CSTPP1: variants seen among roughly 807,000 people sequenced by gnomAD.
CSTPP1 encodes centriolar satellite-associated tubulin polyglutamylase complex regulator 1.
At chr11:47,052,371 G>C in the CSTPP1 span, 1 of 1,607,750 alleles carries the variant, frequency 6.2e-7, no homozygotes, top group Non-Finnish European at 8.5e-7. Context: ...ATGACTTCTT[G>C]ACTTTTCTCT....
At chr11:46,938,540 T>A in the CSTPP1 span, among the ~76,000 whole-genome samples, 1 of 151,204 alleles carries the variant, frequency 6.6e-6, no homozygotes, top group East Asian at 1.9e-4. Flanking sequence ...TCCTTCTCCC[T>A]CCCCCTGCAG....
chr11:47,099,630 C>G, the CSTPP1 span, among the ~76,000 whole-genome samples: 2 of 152,190 alleles, frequency 1.3e-5, no homozygotes, highest in African/African-American at 4.8e-5. Flanking sequence ...GGAAGTTGAA[C>G]TGGGTATAAT....
the CSTPP1 span, among the ~76,000 whole-genome samples, chr11:47,119,889 G>A: frequency 9.2e-5 from 14 of 152,224 alleles, no homozygotes; most frequent in Non-Finnish European, 2.1e-4. Flanking sequence ...GGGATTACAG[G>A]CGTGAGCCAC....
chr11:47,016,218 C>T, the CSTPP1 span, among the ~76,000 whole-genome samples: 1 of 151,970 alleles, frequency 6.6e-6, no homozygotes, highest in Non-Finnish European at 1.5e-5. Flanking sequence ...TGGTGAAAGA[C>T]AGAAGACTTT....
chr11:47,013,938 G>A, the CSTPP1 span, among the ~76,000 whole-genome samples: 3 of 152,138 alleles, frequency 2.0e-5, no homozygotes, highest in Non-Finnish European at 2.9e-5. Flanking sequence ...AGGTGCAGTA[G>A]CTCACACCCA....
At chr11:47,153,688 G>C in the CSTPP1 span, among the ~76,000 whole-genome samples, 3 of 152,318 alleles carry the variant, frequency 2.0e-5, no homozygotes, top group African/African-American at 7.2e-5. Flanking sequence ...CCACGCAGTA[G>C]GGCACTCAGG....
chr11:46,956,077 G>C, the CSTPP1 span, among the ~76,000 whole-genome samples: 1 of 151,960 alleles, frequency 6.6e-6, no homozygotes, highest in Non-Finnish European at 1.5e-5. Context: ...CCTAGCTTCA[G>C]GATTTTTGCA....
At chr11:47,079,637 A>G in the CSTPP1 span, among the ~76,000 whole-genome samples, 1 of 152,232 alleles carries the variant, frequency 6.6e-6, no homozygotes, top group Non-Finnish European at 1.5e-5. Flanking sequence ...AATTATTTCT[A>G]GTATTTTTAT....
At chr11:46,987,375 A>G in the CSTPP1 span, 67 of 1,326,476 alleles carry the variant, frequency 5.1e-5, no homozygotes, top group Non-Finnish European at 7.1e-5. Flanking sequence ...CAGGCAGGAT[A>G]CTTGAGGAAC....
the CSTPP1 span, among the ~76,000 whole-genome samples, chr11:46,997,393 T>C: frequency 5.3e-5 from 8 of 152,318 alleles, no homozygotes; most frequent in African/African-American, 1.9e-4. Flanking sequence ...TGTGCCATGG[T>C]TTTCAGCTCC....
At chr11:47,013,554 C>T in the CSTPP1 span, among the ~76,000 whole-genome samples, 1 of 152,288 alleles carries the variant, frequency 6.6e-6, no homozygotes, top group East Asian at 1.9e-4. Flanking sequence ...CCAGCTCCAT[C>T]CATGTCCCTG....
the CSTPP1 span, among the ~76,000 whole-genome samples, chr11:47,114,205 A>G: frequency 4.6e-5 from 7 of 152,268 alleles, no homozygotes; most frequent in South Asian, 1.5e-3. Flanking sequence ...CCATTGGTCA[A>G]TATATCTGTT....
chr11:47,158,315 G>C, the CSTPP1 span, among the ~76,000 whole-genome samples: 1 of 151,292 alleles, frequency 6.6e-6, no homozygotes, highest in South Asian at 2.1e-4. Context: ...AGGCACAGGT[G>C]TGTCTGCGGA....
At chr11:47,100,929 G>C in the CSTPP1 span, among the ~76,000 whole-genome samples, 2 of 151,720 alleles carry the variant, frequency 1.3e-5, no homozygotes, top group Non-Finnish European at 2.9e-5. Flanking sequence ...AGACCTTCTT[G>C]ACAGCATGAG....
chr11:47,149,319 G>A, the CSTPP1 span, among the ~76,000 whole-genome samples: 15 of 152,190 alleles, frequency 9.9e-5, 1 homozygote, highest in African/African-American at 1.9e-4. Flanking sequence ...AGGGGCGGCC[G>A]GGCACCTCCA....
At chr11:47,125,729 T>C in the CSTPP1 span, among the ~76,000 whole-genome samples, 1 of 152,198 alleles carries the variant, frequency 6.6e-6, no homozygotes, top group African/African-American at 2.4e-5. Context: ...AAGAAAAAGG[T>C]AGTGGGGCCA....
chr11:47,034,802 T>G, the CSTPP1 span, among the ~76,000 whole-genome samples: 1 of 152,174 alleles, frequency 6.6e-6, no homozygotes, highest in East Asian at 1.9e-4. Context: ...CCTGGTTGCC[T>G]CAATAATTTT....
the CSTPP1 span, among the ~76,000 whole-genome samples, chr11:47,102,249 G>A: frequency 6.6e-6 from 1 of 151,862 alleles, no homozygotes; most frequent in Admixed American, 6.5e-5. Flanking sequence ...TCTCTTTTTT[G>A]GAATAACTAT....
chr11:46,966,715 T>A, the CSTPP1 span, among the ~76,000 whole-genome samples: 1 of 152,334 alleles, frequency 6.6e-6, no homozygotes, highest in South Asian at 2.1e-4. Context: ...TATGCATACT[T>A]TCTAGTTTGT....
Sources: gnomAD v4.1 joint callset for allele counts (sites outside exome capture counted in the v4.1 genomes callset) on GRCh38, gnomAD v4.1.1 for gene constraint, MANE v1.5 for transcripts, NCBI Gene and HGNC (gene_info 2026-07-23, HGNC 2026-07-21) for gene names.